The following PLA2G6 variants were observed in gnomAD, a reference collection of about 807,000 sequenced individuals.
The protein encoded by PLA2G6 is 85/88 kDa calcium-independent phospholipase A2.
PLA2G6 carries 62 observed loss-of-function variants against 83.8 expected under a neutral mutation model. That is an observed-to-expected ratio of 0.74 (90% CI 0.60 to 0.91). The LOEUF (loss-of-function observed/expected upper bound fraction) is 0.91, where lower values mean the gene tolerates loss of function less well. Ranked by LOEUF, PLA2G6 falls within the 40% of genes least tolerant of loss-of-function variation. The pLI is 0.00. For missense variants in PLA2G6, 944 were observed against 1,102.0 expected (o/e 0.86, Z 2.03); for synonymous variants, 417 against 449.8 (o/e 0.93, Z 0.92).
chr22:38,119,644 G>T (rs77394551), intron 12 of PLA2G6, among the ~76,000 whole-genome samples: 2 of 152,028 alleles, frequency 1.3e-5, no homozygotes, highest in Non-Finnish European at 2.9e-5. Flanking sequence ...TGGACAACAT[G>T]GTGAAACCCC....
In PLA2G6 at chr22:38,126,432, G is replaced by A. The variant is rs1432692865; in HGVS notation, c.1366C>T (p.His456Tyr). The A allele has an allele frequency of 6.2e-7, 1 of 1,613,318 alleles. No individual in the cohort carries two copies. Among genetic ancestry groups the A allele is most frequent in the Non-Finnish European group, 8.5e-7 (1 of 1,179,748 alleles). Residue 456 changes from histidine (H) to tyrosine (Y), a missense_variant, in exon 10 of 17, where the codon CAC becomes TAC. Physicochemically the swap from His to Tyr is moderately conservative, Grantham distance 83. Coordinates refer to ENST00000332509, the MANE Select transcript of PLA2G6 (RefSeq NM_003560.4). ...GCTGGCTTCCGGGCCCGTGAGATGT[G>A]CATGAGATCCTGTAGTTCTGTGAGG... is the stretch of plus-strand genomic sequence containing the variant. Reference protein sequence around the residue: ...LNNLELQDLMHISRARKPAFI... With the variant: ...LNNLELQDLMYISRARKPAFI...
rs1032320348 is a variant in PLA2G6, at chr22:38,171,572, A to T, written c.-45-2101T>A. Among the ~76,000 whole-genome samples, 11 of 151,846 alleles carry T rather than the reference A, an allele frequency of 7.2e-5. No individual in the cohort carries two copies. The South Asian group carries it at 2.3e-3, about 32-fold the overall frequency. Reference sequence around the variant, plus strand: ...GGTGGCTCATGCCCGTAATCCCAGCACTCTGGGAGGCTGAGGAGGGCAGAT... The same window carrying T: ...GGTGGCTCATGCCCGTAATCCCAGCTCTCTGGGAGGCTGAGGAGGGCAGAT... On this transcript the variant is annotated intron_variant, in intron 1 of 16. Coordinates refer to ENST00000332509, the MANE Select transcript of PLA2G6 (RefSeq NM_003560.4).
intron 1 of PLA2G6, among the ~76,000 whole-genome samples, chr22:38,172,363 G>A (rs1452100895): frequency 6.6e-6 from 1 of 152,084 alleles, no homozygotes; most frequent in Admixed American, 6.6e-5. Flanking sequence ...TTTCATCTCC[G>A]TCCACAAGCT....
At chr22:38,144,939 C>A in intron 3 of PLA2G6, 1 of 339,842 alleles carries the variant, frequency 2.9e-6, no homozygotes, top group South Asian at 2.4e-5. Flanking sequence ...GGGTAGAAAT[C>A]AGCTCCCACA....
chr22:38,137,054 G>T (rs1341703769), intron 5 of PLA2G6: 4 of 152,230 alleles, frequency 2.6e-5, no homozygotes, highest in African/African-American at 2.4e-5. Context: ...TTTAGAGGGG[G>T]AATAAAATAC....
intron 2 of PLA2G6, among the ~76,000 whole-genome samples, chr22:38,165,320 G>C (rs1302335847): frequency 6.6e-6 from 1 of 152,208 alleles, no homozygotes; most frequent in Non-Finnish European, 1.5e-5. Flanking sequence ...CCCCTCACAA[G>C]GTCTGTGGCC....
chr22:38,113,823 A>AC (rs1362843801), intron 14 of PLA2G6, 169 bp from the exon 15 acceptor site: 1 of 716,494 alleles, frequency 1.4e-6, no homozygotes, highest in Non-Finnish European at 2.5e-6. Context: ...AGCCTCTTGC[A>AC]CGTGACCCCA....
chr22:38,161,496 G>A (rs1446734178), intron 2 of PLA2G6, among the ~76,000 whole-genome samples: 2 of 152,040 alleles, frequency 1.3e-5, no homozygotes, highest in African/African-American at 2.4e-5. Context: ...ATATGATTTC[G>A]GGGGGATACT....
chr22:38,175,764 C>A (rs377662970), intron 1 of PLA2G6, among the ~76,000 whole-genome samples: 32 of 152,200 alleles, frequency 2.1e-4, no homozygotes, highest in Admixed American at 5.2e-4. Flanking sequence ...GAACACACAC[C>A]ATGTGAGAAT....
intron 10 of PLA2G6, 98 bp downstream of exon 10, chr22:38,126,273 G>C (rs1241957850): frequency 1.1e-6 from 1 of 887,440 alleles, no homozygotes; most frequent in East Asian, 2.4e-5. Context: ...CGGCTGTGAG[G>C]GTGCAGAGAG....
chr22:38,180,513 A>T (rs1490803824), intron 1 of PLA2G6: 2 of 152,244 alleles, frequency 1.3e-5, no homozygotes, highest in African/African-American at 4.8e-5. Context: ...GACTGAATGA[A>T]TGGTGAAGAG....
In PLA2G6 at chr22:38,132,683, C is replaced by A; in HGVS notation, c.1077+148G>T. 2 of 718,968 alleles carry A rather than the reference C, an allele frequency of 2.8e-6. No homozygotes were observed. Among genetic ancestry groups the A allele is most frequent in the Non-Finnish European group, 4.6e-6 (2 of 434,872 alleles). 44.5% of individuals were successfully genotyped at this position (718,968 alleles called of 1,614,324 possible). On this transcript the variant is annotated intron_variant, in intron 7 of 16. Transcript: ENST00000332509. The surrounding 1 kb of genome is among the most constrained non-coding windows in gnomAD (Gnocchi z 5.0). The stretch of plus-strand genomic sequence containing the variant: ...TTGGAAGGCTTCCTGAGGGAGGAGT[C>A]AGGGTCTGAACTGAGCTTTGGGTGG...
chr22:38,159,745 G>GAAGA (rs2089935517), intron 2 of PLA2G6, among the ~76,000 whole-genome samples: 1 of 151,630 alleles, frequency 6.6e-6, no homozygotes, highest in Non-Finnish European at 1.5e-5. Context: ...AGGAAGGAAG[G>GAAGA]AAGGAAGGAA....
intron 1 of PLA2G6, among the ~76,000 whole-genome samples, chr22:38,179,925 C>T (rs2090780273): frequency 6.6e-6 from 1 of 151,924 alleles, no homozygotes; most frequent in Admixed American, 6.6e-5. Context: ...ATAGAGACGG[C>T]ACTTAAAGAA....
chr22:38,128,535 C>T lies in PLA2G6; in HGVS notation c.1187-105G>A. 1 of 1,309,188 alleles carries T rather than the reference C, an allele frequency of 7.6e-7. No homozygotes were observed. The highest frequency in any genetic ancestry group is 1.1e-6 in the Non-Finnish European group (1 of 934,754). 81.1% of individuals were successfully genotyped at this position (1,309,188 alleles called of 1,614,324 possible). A position where few individuals can be genotyped will look rare whatever the true frequency, so the allele number is the denominator to read the frequency against. Reference sequence around the variant, plus strand: ...ACACTCCGTCCCCTGTCCCAGCTCCCAGGCCCTGGGCACGTGGGCTGCTCC... The same window carrying T: ...ACACTCCGTCCCCTGTCCCAGCTCCTAGGCCCTGGGCACGTGGGCTGCTCC... On this transcript the variant is annotated intron_variant, in intron 8 of 16. Coordinates refer to ENST00000332509, the MANE Select transcript of PLA2G6 (RefSeq NM_003560.4). This position sits in a 1 kb window ranked among gnomAD's most constrained non-coding sequence, Gnocchi z 4.4.
At chr22:38,166,169 C>T (rs2090205813) in intron 2 of PLA2G6, among the ~76,000 whole-genome samples, 1 of 152,204 alleles carries the variant, frequency 6.6e-6, no homozygotes, top group Non-Finnish European at 1.5e-5. Context: ...TTGCAGTTAG[C>T]TGTGGCCATG....
intron 3 of PLA2G6, chr22:38,144,674 G>A (rs1341137636): frequency 7.1e-6 from 1 of 140,668 alleles, no homozygotes; most frequent in Non-Finnish European, 1.5e-5. Flanking sequence ...CGGGCATGAT[G>A]GCACATTACT....
chr22:38,151,316 C>T (rs1004783608), intron 2 of PLA2G6, among the ~76,000 whole-genome samples: 45 of 151,780 alleles, frequency 3.0e-4, no homozygotes, highest in African/African-American at 1.0e-3. Flanking sequence ...GTGCAATCAA[C>T]GCTCACTGCA....
chr22:38,143,105 C>A lies in PLA2G6; in HGVS notation c.609G>T (p.Gln203His). The A allele has an allele frequency of 6.2e-7, 1 of 1,614,144 alleles. No individual in the cohort carries two copies. Among genetic ancestry groups the A allele is most frequent in the Non-Finnish European group, 8.5e-7 (1 of 1,179,966 alleles). ...AVQGDNSQVL[Q>H]LLGRNAVAGL... ...TCACCCTGCCCCTCCCCCTGCTCACCTGCAGCACCTGAGAATTGTCACCCT... is the reference window on the plus strand; with the variant it reads ...TCACCCTGCCCCTCCCCCTGCTCACATGCAGCACCTGAGAATTGTCACCCT... Residue 203 changes from glutamine to histidine, a missense_variant and splice_region_variant, in exon 4 of 17, where the codon CAG becomes CAT. Coordinates refer to ENST00000332509, the MANE Select transcript of PLA2G6 (RefSeq NM_003560.4).
Sources: allele counts gnomAD v4.1 joint callset (sites outside exome capture counted in the v4.1 genomes callset), GRCh38; gene constraint gnomAD v4.1.1; non-coding constraint Gnocchi (gnomAD v3.1); transcripts MANE v1.5; gene names NCBI Gene and HGNC (gene_info 2026-07-23, HGNC 2026-07-21).